The following DCLK1 variants were observed in gnomAD, a reference collection of about 807,000 sequenced individuals.
DCLK1 encodes the protein doublecortin like kinase 1.
Under a neutral mutation model 86.2 loss-of-function variants are expected in DCLK1, and 16 were observed. That is an observed-to-expected ratio of 0.19 (90% CI 0.13 to 0.28). The LOEUF (loss-of-function observed/expected upper bound fraction) is 0.28, where lower values mean the gene tolerates loss of function less well. Ranked by LOEUF, DCLK1 falls within the 10% of genes least tolerant of loss-of-function variation. DCLK1 has a pLI of 1.00. For synonymous variants in DCLK1, 369 were observed against 370.5 expected, an observed-to-expected ratio of 1.00 and a Z score of 0.05; for missense variants, 590 against 940.2, an observed-to-expected ratio of 0.63 and a Z score of 4.87.
chr13:36,077,043 A>C (rs1458292324), intron 3 of DCLK1, among the ~76,000 whole-genome samples: 2 of 152,170 alleles, frequency 1.3e-5, no homozygotes, highest in African/African-American at 4.8e-5. Context: ...GAGAAAATAT[A>C]GGTAGAAGAA....
chr13:36,020,637 AC>A (rs1250158031), intron 3 of DCLK1, among the ~76,000 whole-genome samples: 1 of 152,198 alleles, frequency 6.6e-6, no homozygotes, highest in African/African-American at 2.4e-5. Flanking sequence ...CAGCAAGCAT[AC>A]AACTTAATAA....
rs190247381 is a variant in DCLK1 at position 35,912,633 on chromosome 13, A to G, written c.823+34725T>C. On this transcript the variant is annotated intron_variant, in intron 4 of 16. Coordinates refer to ENST00000360631, the MANE Select transcript of DCLK1 (RefSeq NM_001330071.2). ...CCCCTCTCTGCTGAGAGCAACTTCTATCACTAAGTAAAATTTTCTACCTCC... is the reference window on the plus strand; with the variant it reads ...CCCCTCTCTGCTGAGAGCAACTTCTGTCACTAAGTAAAATTTTCTACCTCC... 2.0e-3 allele frequency among the ~76,000 whole-genome samples: 300 copies of G among 152,228 alleles called. 1 individual carries two copies. The highest frequency in any genetic ancestry group is 3.7e-3 in the Non-Finnish European group (254 of 68,012).
chr13:35,925,809 G>A (rs1423179037), intron 4 of DCLK1, among the ~76,000 whole-genome samples: 8 of 151,960 alleles, frequency 5.3e-5, no homozygotes, highest in East Asian at 3.9e-4. Flanking sequence ...AATTATACAC[G>A]TGCATACTCT....
chr13:36,045,377 T>TATATATATATATATCTATATATAC (rs568110221), intron 3 of DCLK1, among the ~76,000 whole-genome samples: 1 of 125,080 alleles, frequency 8.0e-6, no homozygotes, highest in Non-Finnish European at 1.7e-5. Context: ...TATATATATA[T>TATATATATATATATCTATATATAC]TTCAAGGTAA....
intron 11 of DCLK1, among the ~76,000 whole-genome samples, chr13:35,813,530 CAA>C (rs2087196496): frequency 1.3e-5 from 2 of 151,974 alleles, no homozygotes; most frequent in African/African-American, 2.4e-5. Flanking sequence ...AAATATAGTT[CAA>C]AGTTTCAATA....
chr13:35,952,947 C>T (rs893274104), intron 3 of DCLK1, among the ~76,000 whole-genome samples: 2 of 152,152 alleles, frequency 1.3e-5, no homozygotes, highest in African/African-American at 4.8e-5. Flanking sequence ...CCATATTGGC[C>T]TATAACTGTT....
intron 3 of DCLK1, among the ~76,000 whole-genome samples, chr13:35,989,628 G>T (rs568809364): frequency 6.6e-6 from 1 of 151,566 alleles, no homozygotes; most frequent in South Asian, 2.1e-4. Context: ...CTGTAGCCTC[G>T]AACTCCTAGA....
Position 35,771,825 on chromosome 13 carries a change from A to G in DCLK1, c.*2710T>C, listed in dbSNP as rs1454343428. On this transcript the variant is annotated 3_prime_UTR_variant, in exon 17 of 17. Coordinates refer to ENST00000360631, the MANE Select transcript of DCLK1 (RefSeq NM_001330071.2). The stretch of plus-strand genomic sequence containing the variant: ...TGCCATAATGATACATATTTGTTCT[A>G]TGATAAGTGAAATCAAAAATAAGAT... The G allele has an allele frequency of 6.6e-6, 1 of 152,256 alleles. No homozygotes were observed. The highest frequency in any genetic ancestry group is 1.9e-4 in the East Asian group (1 of 5,206). The allele number at this position is 152,256 out of a possible 1,614,324, so 9.4% of individuals were successfully genotyped here.
Position 35,889,133 on chromosome 13 carries a change from C to T in DCLK1, c.824-17793G>A, listed in dbSNP as rs552994551. Among the ~76,000 whole-genome samples, 18 of 152,286 alleles carry T rather than the reference C, an allele frequency of 1.2e-4. No individual in the cohort carries two copies. The South Asian group carries it at 3.7e-3, about 32-fold the overall frequency. ...TGATAAAAATTACAGAAACCTAAAA[C>T]ATCGTTTAGCTAAGAGAGAAGCTAT... is the stretch of plus-strand genomic sequence containing the variant. On this transcript the variant is annotated intron_variant, in intron 4 of 16. Transcript: ENST00000360631.
At chr13:35,967,160 CGACTGGGAGGTGAGGAGCGTCTCT>C (rs1429786463) in intron 3 of DCLK1, among the ~76,000 whole-genome samples, 2 of 151,956 alleles carry the variant, frequency 1.3e-5, no homozygotes, top group East Asian at 3.9e-4. Context: ...GCCGCCACCC[CGACTGGGAGGTGAGGAGCGTCTCT>C]GACTGGCGGC....
chr13:35,907,666 C>G (rs986078668), intron 4 of DCLK1, among the ~76,000 whole-genome samples: 1 of 151,962 alleles, frequency 6.6e-6, no homozygotes, highest in East Asian at 1.9e-4. Flanking sequence ...AGAGGCCATC[C>G]CAGGCCCCAA....
At chr13:35,969,156 A>G (rs1245828691) in intron 3 of DCLK1, among the ~76,000 whole-genome samples, 2 of 152,218 alleles carry the variant, frequency 1.3e-5, no homozygotes, top group Non-Finnish European at 2.9e-5. Flanking sequence ...GTTAGGACAT[A>G]TAATGTGAGT....
At chr13:36,004,602 T>C (rs1481970628) in intron 3 of DCLK1, among the ~76,000 whole-genome samples, 1 of 152,216 alleles carries the variant, frequency 6.6e-6, no homozygotes, top group Non-Finnish European at 1.5e-5. Flanking sequence ...TTTTGTTTTG[T>C]TTCTTTTTTG....
chr13:35,837,092 C>T (rs1160889573), intron 7 of DCLK1, among the ~76,000 whole-genome samples: 3 of 152,218 alleles, frequency 2.0e-5, no homozygotes, highest in Non-Finnish European at 4.4e-5. Flanking sequence ...TCGTCATAAA[C>T]TGAGACTAAA....
chr13:35,775,379 AT>A lies in DCLK1; in HGVS notation c.2059-681del, dbSNP rs1414605504. Among the ~76,000 whole-genome samples, 5 of 152,162 alleles carry A rather than the reference AT, an allele frequency of 3.3e-5. No individual in the cohort carries two copies. In the South Asian group the frequency reaches 6.2e-4, roughly 19 times the overall value. On this transcript the variant is annotated intron_variant, in intron 16 of 16. Transcript: ENST00000360631. Reference sequence around the variant, plus strand: ...TTCATTTTCATCATAGTATTTGGTAATTTATGAAACTGAGATTCAATTTTGT... The same window carrying A: ...TTCATTTTCATCATAGTATTTGGTAATTATGAAACTGAGATTCAATTTTGT...
chr13:36,126,163 G>A lies in DCLK1; in HGVS notation c.-19-7C>T. 2 of 1,542,996 alleles carry A rather than the reference G, an allele frequency of 1.3e-6. No individual in the cohort carries two copies. The highest frequency in any genetic ancestry group is 1.7e-6 in the Non-Finnish European group (2 of 1,150,726). On this transcript the variant is annotated splice_region_variant and splice_polypyrimidine_tract_variant and intron_variant, in intron 1 of 16. Transcript: ENST00000360631. ...GATGGACTTCAAGTAGGACCTACGA[G>A]CCCCAGAAACAAAAGCAGACACACA...
At chr13:35,789,930 G>A (rs1463270107) in intron 16 of DCLK1, among the ~76,000 whole-genome samples, 2 of 151,622 alleles carry the variant, frequency 1.3e-5, no homozygotes, top group Non-Finnish European at 2.9e-5. Context: ...GGCAGCAGAG[G>A]GACAATGGCG....
At chr13:36,129,608 AT>A (rs1886298603) in intron 1 of DCLK1, among the ~76,000 whole-genome samples, 1 of 152,256 alleles carries the variant, frequency 6.6e-6, no homozygotes, top group African/African-American at 2.4e-5. Context: ...TGAACCATGC[AT>A]GAGCTTCTGA....
chr13:35,825,067 G>T (rs956810299), intron 10 of DCLK1, among the ~76,000 whole-genome samples: 1 of 152,218 alleles, frequency 6.6e-6, no homozygotes, highest in African/African-American at 2.4e-5. Context: ...GGAGGCAGAA[G>T]GCTAAAGTCC....
Sources: allele counts gnomAD v4.1 joint callset (sites outside exome capture counted in the v4.1 genomes callset), GRCh38; gene constraint gnomAD v4.1.1; transcripts MANE v1.5; gene names NCBI Gene and HGNC (gene_info 2026-07-23, HGNC 2026-07-21).